FNIP2: variants seen among roughly 807,000 people sequenced by gnomAD.
The protein encoded by FNIP2 is folliculin interacting protein 2, also known as folliculin-interacting protein 2.
FNIP2 carries 32 observed loss-of-function variants against 108.7 expected under a neutral mutation model. The observed-to-expected ratio is 0.29, with a 90% CI of 0.22 to 0.40. The LOEUF (loss-of-function observed/expected upper bound fraction) is 0.40. FNIP2 is among the 10% of genes least tolerant of loss of function. The probability of loss-of-function intolerance (pLI) is 1.00; values close to 1 mark genes in which losing one functional copy is unlikely to be tolerated. For missense variants in FNIP2, 1,202 were observed against 1,381.6 expected (o/e 0.87, Z 2.06); for synonymous variants, 480 against 496.7 (o/e 0.97, Z 0.45).
At chr4:158,862,406 G>T (rs145594794) in intron 12 of FNIP2, among the ~76,000 whole-genome samples, 2 of 152,168 alleles carry the variant, frequency 1.3e-5, no homozygotes, top group African/African-American at 4.8e-5. Flanking sequence ...TCTTGGTCGT[G>T]AGATGTATAA....
At chr4:158,884,907 G>A (rs934131424) in intron 14 of FNIP2, among the ~76,000 whole-genome samples, 10 of 151,460 alleles carry the variant, frequency 6.6e-5, no homozygotes, top group African/African-American at 1.9e-4. Context: ...TTGGGAGGCC[G>A]AGGCAGGCGG....
At chr4:158,896,900 G>C (rs918748658) in intron 16 of FNIP2, among the ~76,000 whole-genome samples, 1 of 151,200 alleles carries the variant, frequency 6.6e-6, no homozygotes, top group Admixed American at 6.6e-5. Flanking sequence ...AAACGTGCAG[G>C]TCTGTTACAT....
chr4:158,904,652 A>AAAC lies in FNIP2; in HGVS notation c.*110_*112dup. The AAAC allele has an allele frequency of 1.0e-6, 1 of 952,492 alleles. No homozygotes were observed. Among genetic ancestry groups the AAAC allele is most frequent in the Middle Eastern group, 2.2e-4 (1 of 4,634 alleles). The allele number at this position is 952,492 out of a possible 1,614,324, so 59.0% of individuals were successfully genotyped here. A position where few individuals can be genotyped will look rare whatever the true frequency, so the allele number is the denominator to read the frequency against. On this transcript the variant is annotated 3_prime_UTR_variant, in exon 17 of 17. Transcript: ENST00000264433. ...TCAAAAGCATGAGAAGAGCAAACAGAAACAGTCATTCCACCTTTTTGTTTT... is the reference window on the plus strand; with the variant it reads ...TCAAAAGCATGAGAAGAGCAAACAGAAACAACAGTCATTCCACCTTTTTGTTTT...
At chr4:158,846,400 G>A (rs1156342272) in intron 7 of FNIP2, among the ~76,000 whole-genome samples, 1 of 152,114 alleles carries the variant, frequency 6.6e-6, no homozygotes, top group Non-Finnish European at 1.5e-5. Context: ...ATACTGAGGT[G>A]TGGTACTTTA....
chr4:158,816,809 A>G (rs566051855), intron 1 of FNIP2, among the ~76,000 whole-genome samples: 340 of 151,196 alleles, frequency 2.2e-3, no homozygotes, highest in African/African-American at 7.4e-3. Flanking sequence ...AAATTAGCTC[A>G]GTGATTATTG....
chr4:158,772,613 A>G (rs540218616), intron 1 of FNIP2, among the ~76,000 whole-genome samples: 54 of 152,350 alleles, frequency 3.5e-4, no homozygotes, highest in Non-Finnish European at 7.2e-4. Flanking sequence ...ATGCCAGAGA[A>G]GAGTATACCT....
In FNIP2 at chr4:158,785,087, C is replaced by CTTTTTTTTTTTTT. The variant is rs397805773; in HGVS notation, c.107+15773_107+15785dup. On this transcript the variant is annotated intron_variant, in intron 1 of 16. Transcript: ENST00000264433. ...TTATTAGCCAGTATATAAAGTTCCTCTTTTTTTTTTTTTTTTTGAGCCAGA... is the reference window on the plus strand; with the variant it reads ...TTATTAGCCAGTATATAAAGTTCCTCTTTTTTTTTTTTTTTTTTTTTTTTTTTTTTGAGCCAGA... Among the ~76,000 whole-genome samples the CTTTTTTTTTTTTT allele has an allele frequency of 2.2e-3, 268 of 123,124 alleles. 13 individuals carry two copies. Among genetic ancestry groups the CTTTTTTTTTTTTT allele is most frequent in the African/African-American group, 4.1e-3 (122 of 30,004 alleles). 80.8% of individuals were successfully genotyped at this position (123,124 alleles called of 152,430 possible). A position where few individuals can be genotyped will look rare whatever the true frequency, so the allele number is the denominator to read the frequency against.
intron 16 of FNIP2, among the ~76,000 whole-genome samples, chr4:158,901,855 T>G (rs148719192): frequency 1.3e-4 from 20 of 151,950 alleles, no homozygotes; most frequent in African/African-American, 4.8e-4. Context: ...TATGTTCTTC[T>G]CTAAGCTAGT....
intron 5 of FNIP2, 67 bp from the exon 6 acceptor site, chr4:158,833,461 A>C: frequency 1.0e-6 from 1 of 952,810 alleles, no homozygotes; most frequent in South Asian, 1.6e-5. Flanking sequence ...TCTATTAGAA[A>C]ACAGCTTTAG....
intron 7 of FNIP2, among the ~76,000 whole-genome samples, chr4:158,844,814 T>A (rs1312312740): frequency 1.3e-5 from 2 of 152,374 alleles, no homozygotes; most frequent in African/African-American, 4.8e-5. Flanking sequence ...AGCAAAAATT[T>A]TTTTTCAGAG....
At chr4:158,808,910 T>G (rs911024682) in intron 1 of FNIP2, among the ~76,000 whole-genome samples, 1 of 152,176 alleles carries the variant, frequency 6.6e-6, no homozygotes, top group East Asian at 1.9e-4. Flanking sequence ...ATGGCCACAG[T>G]GTAAAACAGA....
intron 14 of FNIP2, 118 bp from the exon 15 acceptor site, chr4:158,891,328 A>G: frequency 2.2e-6 from 2 of 896,396 alleles, no homozygotes; most frequent in Middle Eastern, 5.1e-4. Context: ...AATCTGCTCT[A>G]TCCATAACTG....
At chr4:158,831,409 A>G (rs1778475343) in intron 3 of FNIP2, among the ~76,000 whole-genome samples, 1 of 152,244 alleles carries the variant, frequency 6.6e-6, no homozygotes, top group Non-Finnish European at 1.5e-5. Flanking sequence ...GGGCCCTCAT[A>G]AAACCCTATC....
intron 8 of FNIP2, among the ~76,000 whole-genome samples, chr4:158,857,890 G>A (rs1780075786): frequency 2.0e-5 from 3 of 152,082 alleles, no homozygotes; most frequent in Admixed American, 1.3e-4. Flanking sequence ...TGAGGCTGCA[G>A]TGAGCCATGA....
At chr4:158,822,494 T>G (rs1184403102) in intron 1 of FNIP2, among the ~76,000 whole-genome samples, 1 of 152,146 alleles carries the variant, frequency 6.6e-6, no homozygotes, top group African/African-American at 2.4e-5. Context: ...TGTTTTGTTT[T>G]TGTTTGTTTG....
At chr4:158,839,169 C>T (rs565143334) in intron 7 of FNIP2, among the ~76,000 whole-genome samples, 1 of 152,078 alleles carries the variant, frequency 6.6e-6, no homozygotes, top group Non-Finnish European at 1.5e-5. Flanking sequence ...GGATGCTTAC[C>T]CCATACCTAA....
At chr4:158,898,884 ATAGGAGT>A (rs1782939707) in intron 16 of FNIP2, among the ~76,000 whole-genome samples, 1 of 152,214 alleles carries the variant, frequency 6.6e-6, no homozygotes, top group South Asian at 2.1e-4. Context: ...GAATAGTTGA[ATAGGAGT>A]GGTGAGAGAG....
chr4:158,842,272 T>G (rs1343725073), intron 7 of FNIP2, among the ~76,000 whole-genome samples: 2 of 152,180 alleles, frequency 1.3e-5, no homozygotes, highest in African/African-American at 4.8e-5. Flanking sequence ...CTGTAAGGGA[T>G]AAAGGAATAA....
rs544506505 is a variant in FNIP2 at position 158,785,112 on chromosome 4, A to G, written c.107+15793A>G. ...CTTTTTTTTTTTTTTTTTGAGCCAGAGTCTCACTCTGTTGCCAGGCTGGAG... is the reference window on the plus strand; with the variant it reads ...CTTTTTTTTTTTTTTTTTGAGCCAGGGTCTCACTCTGTTGCCAGGCTGGAG... On this transcript the variant is annotated intron_variant, in intron 1 of 16. Coordinates refer to ENST00000264433, the MANE Select transcript of FNIP2 (RefSeq NM_020840.3). Among the ~76,000 whole-genome samples the G allele has an allele frequency of 3.2e-4, 32 of 100,846 alleles. No individual in the cohort carries two copies. The Middle Eastern group carries it at 0.021, about 68-fold the overall frequency. The allele number at this position is 100,846 out of a possible 152,430, so 66.2% of individuals were successfully genotyped here.
Sources: gnomAD v4.1 joint callset for allele counts (sites outside exome capture counted in the v4.1 genomes callset) on GRCh38, gnomAD v4.1.1 for gene constraint, MANE v1.5 for transcripts, NCBI Gene and HGNC (gene_info 2026-07-23, HGNC 2026-07-21) for gene names.